CALB1: variants seen among roughly 807,000 people sequenced by gnomAD.
CALB1 encodes calbindin.
Under a neutral mutation model 46.7 loss-of-function variants are expected in CALB1, and 16 were observed. That is an observed-to-expected ratio of 0.34 (90% CI 0.23 to 0.52). The LOEUF (loss-of-function observed/expected upper bound fraction) is 0.52. CALB1 is among the 20% of genes least tolerant of loss of function. The pLI is 0.95. For synonymous variants in CALB1, 90 were observed against 112.8 expected, an observed-to-expected ratio of 0.80 and a Z score of 1.28; for missense variants, 224 against 300.3, an observed-to-expected ratio of 0.75 and a Z score of 1.88.
chr8:90,081,593 C>T, intron 2 of CALB1: 1 of 348,748 alleles, frequency 2.9e-6, no homozygotes, highest in Non-Finnish European at 4.0e-6. Flanking sequence ...TAAAAATTAC[C>T]TAATCAAACT....
rs776720718 is a variant in CALB1, at chr8:90,082,706, G to A, written c.-9C>T. ...AGGTGGGATTCTGCCATTGTACAGCGGGGTGTGTGTCTGGGTGTGTGAATA... is the reference window on the plus strand; with the variant it reads ...AGGTGGGATTCTGCCATTGTACAGCAGGGTGTGTGTCTGGGTGTGTGAATA... On this transcript the variant is annotated 5_prime_UTR_variant, in exon 1 of 11. Coordinates refer to ENST00000265431, the MANE Select transcript of CALB1 (RefSeq NM_004929.4). 2.5e-6 allele frequency: 4 copies of A among 1,613,118 alleles called. No homozygotes were observed. Among genetic ancestry groups the A allele is most frequent in the Admixed American group, 1.7e-5 (1 of 60,008 alleles).
intron 2 of CALB1, chr8:90,081,485 T>C (rs1404964838): frequency 1.0e-6 from 1 of 983,658 alleles, no homozygotes. Context: ...TAATTGGTGA[T>C]AGAGTAAGAG....
intron 3 of CALB1, among the ~76,000 whole-genome samples, chr8:90,070,837 A>AGT (rs35368479): frequency 0.031 from 3,786 of 121,640 alleles, 106 homozygotes; most frequent in African/African-American, 0.082. Flanking sequence ...GCATCATTGC[A>AGT]GTGTGTGTGT....
chr8:90,063,925 T>A (rs1199078663), intron 6 of CALB1: 2 of 155,592 alleles, frequency 1.3e-5, no homozygotes, highest in Non-Finnish European at 2.8e-5. Context: ...ATTGTTTTAT[T>A]TTCTATTGGG....
intron 3 of CALB1, among the ~76,000 whole-genome samples, chr8:90,073,790 AC>A (rs1814573976): frequency 6.6e-6 from 1 of 152,226 alleles, no homozygotes; most frequent in African/African-American, 2.4e-5. Flanking sequence ...ACTAGTGAGA[AC>A]CATATAGGGA....
Position 90,060,089 on chromosome 8 carries a change from A to G in CALB1, c.*84T>C. 3 of 790,542 alleles carry G rather than the reference A, an allele frequency of 3.8e-6. 1 individual carries two copies. The South Asian group carries it at 4.3e-5, about 11-fold the overall frequency. 49.0% of individuals were successfully genotyped at this position (790,542 alleles called of 1,614,324 possible). A position where few individuals can be genotyped will look rare whatever the true frequency, so the allele number is the denominator to read the frequency against. ...TATGCAGTTAAATTTACAGATATAA[A>G]AGAAAATACAGCCTACTCCCTTATA... On this transcript the variant is annotated 3_prime_UTR_variant, in exon 11 of 11. Coordinates refer to ENST00000265431, the MANE Select transcript of CALB1 (RefSeq NM_004929.4).
Position 90,059,091 on chromosome 8 carries a change from AT to A in CALB1, c.*1081del, listed in dbSNP as rs1814249523. On this transcript the variant is annotated 3_prime_UTR_variant, in exon 11 of 11. Transcript: ENST00000265431. Reference sequence around the variant, plus strand: ...ACATTAGCATTTCTTTTCAGATGTTATTTTTTTAAACTCATTTGAAACTATT... The same window carrying A: ...ACATTAGCATTTCTTTTCAGATGTTATTTTTTAAACTCATTTGAAACTATT... The A allele has an allele frequency of 6.6e-6, 1 of 152,262 alleles. No individual in the cohort carries two copies. The highest frequency in any genetic ancestry group is 2.4e-5 in the African/African-American group (1 of 41,452). The allele number at this position is 152,262 out of a possible 1,614,324, so 9.4% of individuals were successfully genotyped here.
chr8:90,070,857 T>TGTGTGTGTGA (rs1814500839), intron 3 of CALB1, among the ~76,000 whole-genome samples: 1 of 117,926 alleles, frequency 8.5e-6, no homozygotes, highest in African/African-American at 3.1e-5. Flanking sequence ...TGTGTGTGTG[T>TGTGTGTGTGA]GTGTGTGTGT....
chr8:90,078,680 A>C (rs1468040226), intron 2 of CALB1, among the ~76,000 whole-genome samples: 1 of 152,050 alleles, frequency 6.6e-6, no homozygotes, highest in Non-Finnish European at 1.5e-5. Flanking sequence ...TTTATCTTCT[A>C]TTATTAATTT....
intron 2 of CALB1, among the ~76,000 whole-genome samples, chr8:90,079,005 A>G (rs545997016): frequency 2.6e-5 from 4 of 152,160 alleles, no homozygotes; most frequent in South Asian, 2.1e-4. Context: ...TAAAAATTAA[A>G]TAGATTAGAG....
At chr8:90,069,917 G>A (rs574730127) in intron 3 of CALB1, among the ~76,000 whole-genome samples, 6 of 151,734 alleles carry the variant, frequency 4.0e-5, no homozygotes, top group South Asian at 2.1e-4. Context: ...TGATCTCCAC[G>A]GCATGCCTCT....
Position 90,063,304 on chromosome 8 carries a change from C to G in CALB1, c.523G>C (p.Glu175Gln). The G allele has an allele frequency of 6.3e-7, 1 of 1,593,268 alleles. No homozygotes were observed. Among genetic ancestry groups the G allele is most frequent in the Non-Finnish European group, 8.6e-7 (1 of 1,162,864 alleles). The part of the protein sequence containing the change: ...TEMARLLPVQ[E>Q]NFLLKFQGIK... ...ACCTGGAATTTAAGAAGAAAATTCT[C>G]CTGCACTGGTAGTAACCTTTTGAGA... Residue 175 changes from glutamate to glutamine, a missense_variant, in exon 8 of 11, where the codon GAG becomes CAG. Transcript: ENST00000265431.
At chr8:90,065,852 C>T (rs779289765) in intron 6 of CALB1, 46 bp downstream of exon 6, 3 of 1,228,750 alleles carry the variant, frequency 2.4e-6, no homozygotes, top group Non-Finnish European at 3.6e-6. Flanking sequence ...GAACATCATA[C>T]TACTTCATGA....
At position 90,058,672 on chromosome 8, in the gene CALB1, T is replaced by C. The variant is rs977005521; in HGVS notation, c.*1501A>G. ...ATTCAGTCTAATGGCAGTGCTTCCA[T>C]TTACACGCTAAAGGCAAAGCCAATC... On this transcript the variant is annotated 3_prime_UTR_variant, in exon 11 of 11. Transcript: ENST00000265431. The C allele has an allele frequency of 6.6e-6, 1 of 152,232 alleles. No individual in the cohort carries two copies. Among genetic ancestry groups the C allele is most frequent in the Admixed American group, 6.5e-5 (1 of 15,284 alleles). 9.4% of individuals were successfully genotyped at this position (152,232 alleles called of 1,614,324 possible). A position where few individuals can be genotyped will look rare whatever the true frequency, so the allele number is the denominator to read the frequency against.
At position 90,060,161 on chromosome 8, in the gene CALB1, C is replaced by A. The variant is rs370868250; in HGVS notation, c.*12G>T. 20 of 1,527,890 alleles carry A rather than the reference C, an allele frequency of 1.3e-5. No individual in the cohort carries two copies. Among genetic ancestry groups the A allele is most frequent in the Admixed American group, 1.2e-4 (7 of 59,858 alleles). The allele number at this position is 1,527,890 out of a possible 1,614,324, so 94.6% of individuals were successfully genotyped here. ...ACAGTGTATCACTAGCAAGTGGTTG[C>A]GGCCACCAACTCTAGTTATCCCCAG... On this transcript the variant is annotated 3_prime_UTR_variant, in exon 11 of 11. Transcript: ENST00000265431.
chr8:90,069,580 AGT>A (rs1308294992), intron 3 of CALB1, among the ~76,000 whole-genome samples: 1 of 152,148 alleles, frequency 6.6e-6, no homozygotes, highest in African/African-American at 2.4e-5. Context: ...GCCACAGATT[AGT>A]GTTCTATGCC....
chr8:90,062,921 G>C, intron 9 of CALB1, 179 bp downstream of exon 9: 1 of 507,996 alleles, frequency 2.0e-6, no homozygotes, highest in Non-Finnish European at 3.5e-6. Context: ...GAAATGACGA[G>C]TTACTCATCA....
At chr8:90,080,558 G>C (rs1471127282) in intron 2 of CALB1, among the ~76,000 whole-genome samples, 1 of 151,918 alleles carries the variant, frequency 6.6e-6, no homozygotes, top group Non-Finnish European at 1.5e-5. Flanking sequence ...TATAATGACA[G>C]TATTGCATAA....
At chr8:90,080,093 G>A (rs1007345385) in intron 2 of CALB1, among the ~76,000 whole-genome samples, 25 of 151,800 alleles carry the variant, frequency 1.6e-4, no homozygotes, top group Admixed American at 1.0e-3. Context: ...ACTAAATTCA[G>A]AAAAATCCAG....
Sources: allele counts gnomAD v4.1 joint callset (sites outside exome capture counted in the v4.1 genomes callset), GRCh38; gene constraint gnomAD v4.1.1; transcripts MANE v1.5; gene names NCBI Gene and HGNC (gene_info 2026-07-23, HGNC 2026-07-21).